The following NAV2 variants were observed in gnomAD, a reference collection of about 807,000 sequenced individuals.
The protein encoded by NAV2 is neuron navigator 2, also known as helicase, APC down-regulated 1.
A neutral mutation model predicts 223.2 loss-of-function variants in NAV2; 54 were observed. The ratio of observed to expected loss-of-function variants is 0.24; its 90% confidence interval spans 0.19 to 0.30. The LOEUF (loss-of-function observed/expected upper bound fraction) is 0.30, where lower values mean the gene tolerates loss of function less well. Among genes scored for constraint, NAV2 ranks in the 10% least tolerant of loss-of-function variants. The probability of loss-of-function intolerance (pLI) is 1.00; values close to 1 mark genes in which losing one functional copy is unlikely to be tolerated. For missense variants in NAV2, 2,806 were observed against 3,147.5 expected, an observed-to-expected ratio of 0.89 and a Z score of 2.60; for synonymous variants, 1,279 against 1,239.3, an observed-to-expected ratio of 1.03 and a Z score of -0.67.
intron 1 of NAV2, among the ~76,000 whole-genome samples, chr11:19,656,668 G>GCCACAC (rs1016637695): frequency 2.6e-4 from 39 of 152,336 alleles, no homozygotes; most frequent in African/African-American, 9.4e-4. Context: ...TGGGGACCCA[G>GCCACAC]CCACACCCAC....
intron 20 of NAV2, among the ~76,000 whole-genome samples, chr11:20,067,373 G>C (rs1284717170): frequency 6.6e-6 from 1 of 152,082 alleles, no homozygotes; most frequent in Admixed American, 6.6e-5. Context: ...CCCTAGACAG[G>C]GTTGCCAGAG....
intron 1 of NAV2, among the ~76,000 whole-genome samples, chr11:19,830,173 C>T (rs960907428): frequency 3.3e-5 from 5 of 152,010 alleles, no homozygotes; most frequent in Admixed American, 6.6e-5. Context: ...TGCAGTGAGC[C>T]GAGATCACGC....
intron 1 of NAV2, among the ~76,000 whole-genome samples, chr11:19,660,351 T>C (rs2048243390): frequency 6.6e-6 from 1 of 152,204 alleles, no homozygotes. Flanking sequence ...TTTTCTCGTG[T>C]GACTCAGGAT....
intron 4 of NAV2, among the ~76,000 whole-genome samples, chr11:19,879,188 T>C (rs763185305): frequency 6.6e-6 from 1 of 152,250 alleles, no homozygotes; most frequent in Non-Finnish European, 1.5e-5. Context: ...CAACTCTTTA[T>C]GCATACTTTG....
intron 36 of NAV2, among the ~76,000 whole-genome samples, chr11:20,109,349 G>C (rs2062438896): frequency 6.6e-6 from 1 of 152,236 alleles, no homozygotes; most frequent in Non-Finnish European, 1.5e-5. Context: ...TCATTGGTTA[G>C]CAGAGCTCTA....
chr11:19,707,109 T>TGAGTC (rs1706573194), intron 1 of NAV2, among the ~76,000 whole-genome samples: 1 of 152,210 alleles, frequency 6.6e-6, no homozygotes, highest in South Asian at 2.1e-4. Context: ...TTGCTCTGGG[T>TGAGTC]GAGTCAGTGA....
chr11:19,435,029 C>T (rs1348066991), intron 1 of NAV2, among the ~76,000 whole-genome samples: 1 of 151,988 alleles, frequency 6.6e-6, no homozygotes, highest in East Asian at 1.9e-4. Flanking sequence ...TACATATATA[C>T]ATTGTGGCAT....
chr11:19,521,600 C>A (rs1243767632), intron 1 of NAV2, among the ~76,000 whole-genome samples: 1 of 152,134 alleles, frequency 6.6e-6, no homozygotes, highest in Non-Finnish European at 1.5e-5. Context: ...ATTTGAGGAG[C>A]TCCTTACCCT....
intron 1 of NAV2, among the ~76,000 whole-genome samples, chr11:19,524,176 T>A (rs533901393): frequency 1.3e-5 from 2 of 152,294 alleles, no homozygotes; most frequent in East Asian, 3.9e-4. Flanking sequence ...GCATTTGACA[T>A]GGTGGCCACG....
chr11:20,110,468 G>A (rs1565100971), intron 36 of NAV2, among the ~76,000 whole-genome samples: 1 of 152,144 alleles, frequency 6.6e-6, no homozygotes, highest in African/African-American at 2.4e-5. Flanking sequence ...ATTTAGTTCT[G>A]ACAGCCCAGT....
intron 1 of NAV2, among the ~76,000 whole-genome samples, chr11:19,602,170 A>G (rs1590652989): frequency 6.9e-6 from 1 of 145,630 alleles, no homozygotes; most frequent in Non-Finnish European, 1.5e-5. Context: ...CATCTCTACA[A>G]GTCTTTTTTT....
At chr11:19,471,807 G>T (rs961081068) in intron 1 of NAV2, among the ~76,000 whole-genome samples, 1 of 152,130 alleles carries the variant, frequency 6.6e-6, no homozygotes. Context: ...TGGCACCCGC[G>T]TGGCTGCCAG....
chr11:19,882,640 G>T (rs116133795), intron 5 of NAV2, among the ~76,000 whole-genome samples: 351 of 152,272 alleles, frequency 2.3e-3, no homozygotes, highest in African/African-American at 8.2e-3. Context: ...AAAATAACCA[G>T]ATATTCCAGT....
chr11:19,888,909 G>C (rs1347085528), intron 5 of NAV2, among the ~76,000 whole-genome samples: 1 of 151,944 alleles, frequency 6.6e-6, no homozygotes, highest in African/African-American at 2.4e-5. Context: ...TTCCTTCTCT[G>C]AATACCTTCT....
At chr11:19,788,298 C>G (rs767787657) in intron 1 of NAV2, among the ~76,000 whole-genome samples, 7 of 152,184 alleles carry the variant, frequency 4.6e-5, no homozygotes, top group African/African-American at 7.2e-5. Flanking sequence ...CCAGATGTCC[C>G]CGAGGGGGGA....
intron 7 of NAV2, among the ~76,000 whole-genome samples, chr11:19,937,707 A>G (rs376632537): frequency 4.6e-4 from 70 of 152,312 alleles, no homozygotes; most frequent in Middle Eastern, 6.8e-3. Context: ...TCCTTCTAGT[A>G]CCTAGCATCT....
chr11:19,389,531 C>G (rs911602356), intron 1 of NAV2, among the ~76,000 whole-genome samples: 1 of 152,194 alleles, frequency 6.6e-6, no homozygotes, highest in Admixed American at 6.5e-5. Flanking sequence ...AGATCCTTTT[C>G]CTTCTTTGAG....
intron 1 of NAV2, among the ~76,000 whole-genome samples, chr11:19,757,735 A>G (rs976553355): frequency 4.6e-5 from 7 of 152,328 alleles, no homozygotes; most frequent in African/African-American, 1.4e-4. Context: ...TGTGCTATAC[A>G]TTGTTCTGGG....
At chr11:19,709,566 A>G (rs2152302714), upstream of NAV2, among the ~76,000 whole-genome samples, 1 of 150,800 alleles carries the variant, frequency 6.6e-6, no homozygotes, top group East Asian at 2.0e-4. Context: ...AAAAAAAAAA[A>G]AAAGATATAA....
Sources: allele counts gnomAD v4.1 joint callset (sites outside exome capture counted in the v4.1 genomes callset), GRCh38; gene constraint gnomAD v4.1.1; transcripts MANE v1.5; gene names NCBI Gene and HGNC (gene_info 2026-07-23, HGNC 2026-07-21).